Variants in DLG2 observed in about 807,000 individuals in gnomAD.
The protein encoded by DLG2 is disks large homolog 2.
In DLG2, 45 loss-of-function variants were observed where a neutral mutation model predicts 132.5. The observed-to-expected ratio is 0.34, with a 90% CI of 0.27 to 0.44. DLG2 has a LOEUF of 0.44. DLG2 is among the 20% of genes least tolerant of loss of function. The pLI is 1.00. For synonymous variants in DLG2, 424 were observed against 419.6 expected (o/e 1.01, Z -0.13); for missense variants, 1,045 against 1,196.9 (o/e 0.87, Z 1.87).
chr11:84,257,141 C>T (rs2097485638), intron 7 of DLG2, among the ~76,000 whole-genome samples: 1 of 152,076 alleles, frequency 6.6e-6, no homozygotes, highest in African/African-American at 2.4e-5. Context: ...CCCCATAACC[C>T]TCTATTATGT....
At chr11:85,369,135 G>C (rs1477902395) in intron 3 of DLG2, among the ~76,000 whole-genome samples, 1 of 152,028 alleles carries the variant, frequency 6.6e-6, no homozygotes, top group African/African-American at 2.4e-5. Flanking sequence ...AAGCCGCCAA[G>C]CCCTGTCACT....
intron 20 of DLG2, among the ~76,000 whole-genome samples, chr11:83,537,095 T>G (rs2141271604): frequency 6.6e-6 from 1 of 152,276 alleles, no homozygotes; most frequent in Admixed American, 6.5e-5. Flanking sequence ...TGAGCAGAAA[T>G]AATCCTCCCT....
intron 22 of DLG2, among the ~76,000 whole-genome samples, chr11:83,481,587 G>A (rs77381813): frequency 3.1e-4 from 47 of 152,206 alleles, no homozygotes; most frequent in East Asian, 2.7e-3. Context: ...CCAAAGCATG[G>A]GTTAAATTCA....
At chr11:83,779,530 T>C (rs1314485882) in intron 18 of DLG2, among the ~76,000 whole-genome samples, 2 of 152,152 alleles carry the variant, frequency 1.3e-5, no homozygotes, top group African/African-American at 2.4e-5. Context: ...AATAATCTCA[T>C]TGCATTCCAT....
rs553026027 is a variant in DLG2, at chr11:84,008,432, A to G, written c.920-27790T>C. ...TCAATGATTGATATAGTTAGCTCAC[A>G]TGTTTTGGAGATGGAGTTTTGGTAA... On this transcript the variant is annotated intron_variant, in intron 11 of 27. Coordinates refer to ENST00000376104, the MANE Select transcript of DLG2 (RefSeq NM_001142699.3). 8.9e-4 allele frequency among the ~76,000 whole-genome samples: 136 copies of G among 152,076 alleles called. 1 individual carries two copies. Among genetic ancestry groups the G allele is most frequent in the African/African-American group, 3.2e-3 (134 of 41,554 alleles).
intron 18 of DLG2, among the ~76,000 whole-genome samples, chr11:83,690,011 A>C (rs990469722): frequency 7.0e-6 from 1 of 142,586 alleles, no homozygotes; most frequent in Non-Finnish European, 1.5e-5. Context: ...ATTTATTATA[A>C]TATTTAATAA....
chr11:84,502,394 CTTTCTTTCTTTCTTT>C lies in DLG2; in HGVS notation c.519+32161_519+32175del, dbSNP rs1567807158. On this transcript the variant is annotated intron_variant, in intron 7 of 27. Coordinates refer to ENST00000376104, the MANE Select transcript of DLG2 (RefSeq NM_001142699.3). ...TCTTTCTTTCTTTCTTTCTTTCTTT[CTTTCTTTCTTTCTTT>C]CTTTCTATACAGAGTCTCATGCTGT... 1.4e-3 allele frequency among the ~76,000 whole-genome samples: 130 copies of C among 93,498 alleles called. 2 individuals carry two copies. Among genetic ancestry groups the C allele is most frequent in the African/African-American group, 3.4e-3 (68 of 20,176 alleles). The allele number at this position is 93,498 out of a possible 152,430, so 61.3% of individuals were successfully genotyped here.
chr11:83,810,896 T>C (rs1451395), intron 17 of DLG2, among the ~76,000 whole-genome samples: 68,655 of 151,854 alleles, frequency 0.45, 15,734 homozygotes, highest in Middle Eastern at 0.61. Context: ...TCCTACTTTA[T>C]AGAATTTTTT....
At chr11:84,593,790 G>A (rs1011038300) in intron 6 of DLG2, among the ~76,000 whole-genome samples, 4 of 151,974 alleles carry the variant, frequency 2.6e-5, no homozygotes, top group African/African-American at 9.7e-5. Flanking sequence ...AGAACTTAAA[G>A]TATTATAATT....
At chr11:85,202,053 C>T (rs1023520899) in intron 4 of DLG2, among the ~76,000 whole-genome samples, 3 of 150,672 alleles carry the variant, frequency 2.0e-5, no homozygotes, top group Non-Finnish European at 4.4e-5. Flanking sequence ...ATAAAGAAAG[C>T]TTATGGACTC....
chr11:84,955,953 G>A (rs1373698988), intron 6 of DLG2, among the ~76,000 whole-genome samples: 2 of 152,130 alleles, frequency 1.3e-5, no homozygotes, highest in Non-Finnish European at 2.9e-5. Context: ...TAAATTCTGA[G>A]GTTCCAAAAC....
intron 6 of DLG2, among the ~76,000 whole-genome samples, chr11:84,836,997 C>G (rs895863493): frequency 6.6e-6 from 1 of 151,748 alleles, no homozygotes; most frequent in Non-Finnish European, 1.5e-5. Flanking sequence ...TCTCCTAATG[C>G]TATCCCTCCC....
intron 6 of DLG2, among the ~76,000 whole-genome samples, chr11:84,714,500 G>A: frequency 6.6e-6 from 1 of 151,836 alleles, no homozygotes. Context: ...AGCACCCTCT[G>A]GAGGCTGGGA....
intron 7 of DLG2, among the ~76,000 whole-genome samples, chr11:84,527,893 T>TTCTCTCTCTCTCTCTC (rs60170305): frequency 4.0e-5 from 5 of 125,666 alleles, no homozygotes; most frequent in East Asian, 2.5e-4. Flanking sequence ...CTCCCTCCCT[T>TTCTCTCTCTCTCTCTC]TCTCTCTCTC....
chr11:84,397,337 CTAAATTA>C (rs936429871), intron 7 of DLG2, among the ~76,000 whole-genome samples: 1 of 152,216 alleles, frequency 6.6e-6, no homozygotes, highest in African/African-American at 2.4e-5. Context: ...TCACTTCATT[CTAAATTA>C]TAAACTTCTA....
chr11:84,945,187 T>G (rs2050042571), intron 6 of DLG2, among the ~76,000 whole-genome samples: 1 of 152,150 alleles, frequency 6.6e-6, no homozygotes, highest in Non-Finnish European at 1.5e-5. Context: ...CTTGGGAAGG[T>G]TCTCCAATCC....
intron 6 of DLG2, among the ~76,000 whole-genome samples, chr11:84,670,854 T>A (rs2099705085): frequency 6.6e-6 from 1 of 152,134 alleles, no homozygotes; most frequent in African/African-American, 2.4e-5. Context: ...CACTTGTATT[T>A]TATCTTAAAA....
At chr11:85,205,155 T>C (rs933076455) in intron 4 of DLG2, among the ~76,000 whole-genome samples, 3 of 147,200 alleles carry the variant, frequency 2.0e-5, no homozygotes, top group African/African-American at 7.4e-5. Context: ...TGTATATATA[T>C]ATATATATAG....
chr11:83,821,292 C>T (rs1015730804), intron 17 of DLG2, among the ~76,000 whole-genome samples: 3 of 152,130 alleles, frequency 2.0e-5, no homozygotes, highest in South Asian at 2.1e-4. Flanking sequence ...GGACGCTCAT[C>T]GACTCTCCAC....
Sources: gnomAD v4.1 joint callset for allele counts (sites outside exome capture counted in the v4.1 genomes callset) on GRCh38, gnomAD v4.1.1 for gene constraint, MANE v1.5 for transcripts, NCBI Gene and HGNC (gene_info 2026-07-23, HGNC 2026-07-21) for gene names.